Variants in SVEP1 observed in about 807,000 individuals in gnomAD.
SVEP1 encodes sushi, von Willebrand factor type A, EGF and pentraxin domain-containing protein 1.
Under a neutral mutation model 367.3 loss-of-function variants are expected in SVEP1, and 164 were observed. That is an observed-to-expected ratio of 0.45 (90% CI 0.39 to 0.51). The LOEUF is 0.51. SVEP1 is among the 20% of genes least tolerant of loss of function. The pLI is 0.00. For missense variants in SVEP1, 4,117 were observed against 4,425.3 expected (o/e 0.93, Z 1.98); for synonymous variants, 1,666 against 1,611.6 (o/e 1.03, Z -0.81).
At chr9:110,550,520 ATCT>A (rs1830273233) in intron 1 of SVEP1, among the ~76,000 whole-genome samples, 1 of 149,656 alleles carries the variant, frequency 6.7e-6, no homozygotes, top group Non-Finnish European at 1.5e-5. Context: ...CTATCTATCT[ATCT>A]ATCTGTCTAT....
At chr9:110,552,239 C>T (rs1830298496) in intron 1 of SVEP1, among the ~76,000 whole-genome samples, 1 of 151,744 alleles carries the variant, frequency 6.6e-6, no homozygotes. Context: ...ATCATGTTGG[C>T]CAGGATGGTC....
At chr9:110,500,880 T>A (rs1349095175) in intron 6 of SVEP1, among the ~76,000 whole-genome samples, 1 of 151,952 alleles carries the variant, frequency 6.6e-6, no homozygotes, top group African/African-American at 2.4e-5. Context: ...CTGATTTTAG[T>A]GATTGTTCAT....
chr9:110,497,641 C>T (rs998110380), intron 7 of SVEP1, among the ~76,000 whole-genome samples: 5 of 152,248 alleles, frequency 3.3e-5, no homozygotes, highest in Non-Finnish European at 5.9e-5. Context: ...CTGAAACGTA[C>T]TGTCAAAGCA....
intron 8 of SVEP1, among the ~76,000 whole-genome samples, 181 bp from the exon 9 acceptor site, chr9:110,489,960 G>C (rs1357808006): frequency 2.6e-5 from 4 of 152,068 alleles, no homozygotes; most frequent in Non-Finnish European, 4.4e-5. Flanking sequence ...TTATAGAATT[G>C]GCACACATAT....
At chr9:110,562,335 T>A (rs1368945917) in intron 1 of SVEP1, among the ~76,000 whole-genome samples, 1 of 152,122 alleles carries the variant, frequency 6.6e-6, no homozygotes, top group Non-Finnish European at 1.5e-5. Context: ...AAAATCAAAT[T>A]TAATTTTATT....
At chr9:110,475,535 T>C (rs993795729) in intron 14 of SVEP1, among the ~76,000 whole-genome samples, 1 of 121,224 alleles carries the variant, frequency 8.2e-6, no homozygotes, top group African/African-American at 2.7e-5. Flanking sequence ...ATTATTATTA[T>C]TATCTTTTTT....
chr9:110,533,954 AT>A (rs1176363310), intron 3 of SVEP1, among the ~76,000 whole-genome samples: 1 of 152,192 alleles, frequency 6.6e-6, no homozygotes, highest in African/African-American at 2.4e-5. Flanking sequence ...AATGAGTGCT[AT>A]GGATGAATTG....
At chr9:110,370,472 A>G (rs923898457) in intron 46 of SVEP1, among the ~76,000 whole-genome samples, 1 of 152,170 alleles carries the variant, frequency 6.6e-6, no homozygotes, top group African/African-American at 2.4e-5. Flanking sequence ...TGATTGGGTG[A>G]TTAAGTCAGA....
rs754135340 is a variant in SVEP1, at chr9:110,377,338, C to T, written c.10437G>A (p.Gly3479=). Residue 3479 remains glycine, a synonymous_variant, in exon 45 of 48, where the codon GGG becomes GGA. Coordinates refer to ENST00000374469, the MANE Select transcript of SVEP1 (RefSeq NM_153366.4). ...AAGCATTTGGGCGTTGGCAGATGCC[C>T]CCATTCTGACATGGAAATCGACAGA... The part of the protein sequence containing the change: ...RAVCRFPCQN[G]GICQRPNACS... The T allele has an allele frequency of 1.2e-6, 2 of 1,613,592 alleles. No individual in the cohort carries two copies. The highest frequency in any genetic ancestry group is 2.7e-5 in the African/African-American group (2 of 74,928).
chr9:110,531,021 C>A (rs921573575), intron 3 of SVEP1, among the ~76,000 whole-genome samples: 3 of 152,126 alleles, frequency 2.0e-5, no homozygotes, highest in Non-Finnish European at 2.9e-5. Flanking sequence ...TTTAAACTAT[C>A]TTGCCACCTT....
chr9:110,468,825 C>T lies in SVEP1; in HGVS notation c.3160+115G>A, dbSNP rs1828975967. 5 of 1,019,124 alleles carry T rather than the reference C, an allele frequency of 4.9e-6. No homozygotes were observed. The South Asian group carries it at 9.8e-5, about 20-fold the overall frequency. The allele number at this position is 1,019,124 out of a possible 1,614,324, so 63.1% of individuals were successfully genotyped here. On this transcript the variant is annotated intron_variant, in intron 17 of 47. Coordinates refer to ENST00000374469, the MANE Select transcript of SVEP1 (RefSeq NM_153366.4). ...TTTCTCTTGCAAATCTATCTTTTGC[C>T]ACAGGGGCCTCAGACAAGAGCCGAG...
intron 9 of SVEP1, among the ~76,000 whole-genome samples, chr9:110,484,031 G>A (rs1475862914): frequency 2.0e-5 from 3 of 152,188 alleles, no homozygotes; most frequent in Non-Finnish European, 4.4e-5. Context: ...TGGAAGGGAA[G>A]AGAACCATTC....
chr9:110,481,532 T>C (rs200901318), intron 11 of SVEP1, 96 bp from the exon 12 acceptor site: 2 of 553,154 alleles, frequency 3.6e-6, no homozygotes, highest in Admixed American at 5.9e-5. Flanking sequence ...GGACTCCTCC[T>C]GTCTATCGCT....
At chr9:110,410,166 T>C (rs1487955433) in intron 37 of SVEP1, among the ~76,000 whole-genome samples, 2 of 152,212 alleles carry the variant, frequency 1.3e-5, no homozygotes, top group African/African-American at 4.8e-5. Flanking sequence ...TTTGTTATTT[T>C]GAATGTAAAG....
chr9:110,491,378 T>C (rs1375682468), intron 8 of SVEP1, among the ~76,000 whole-genome samples: 2 of 152,020 alleles, frequency 1.3e-5, no homozygotes, highest in African/African-American at 4.8e-5. Context: ...AAACATTTTG[T>C]TTTTTAATCT....
intron 36 of SVEP1, 96 bp from the exon 37 acceptor site, chr9:110,411,831 C>A: frequency 1.7e-6 from 2 of 1,151,604 alleles, no homozygotes; most frequent in Non-Finnish European, 2.4e-6. Flanking sequence ...CCCACAATGA[C>A]TTTAAATTTA....
At chr9:110,473,469 C>T (rs187511335) in intron 14 of SVEP1, among the ~76,000 whole-genome samples, 1 of 152,010 alleles carries the variant, frequency 6.6e-6, no homozygotes, top group Admixed American at 6.5e-5. Flanking sequence ...CACACACAAA[C>T]CTGGAATAAA....
At chr9:110,425,910 ATT>A (rs1490109834) in intron 36 of SVEP1, among the ~76,000 whole-genome samples, 3 of 152,156 alleles carry the variant, frequency 2.0e-5, no homozygotes, top group Admixed American at 2.0e-4. Context: ...TTAAATATAG[ATT>A]TTGTGTTTTC....
At chr9:110,561,168 C>T (rs1043352434) in intron 1 of SVEP1, among the ~76,000 whole-genome samples, 8 of 152,220 alleles carry the variant, frequency 5.3e-5, no homozygotes, top group East Asian at 3.9e-4. Flanking sequence ...ATACACCATG[C>T]GTTCTTGATG....
Sources: gnomAD v4.1 joint callset for allele counts (sites outside exome capture counted in the v4.1 genomes callset) on GRCh38, gnomAD v4.1.1 for gene constraint, MANE v1.5 for transcripts, NCBI Gene and HGNC (gene_info 2026-07-23, HGNC 2026-07-21) for gene names.